Variants in PFKFB3 observed in about 807,000 individuals in gnomAD.
The protein encoded by PFKFB3 is 6-phosphofructo-2-kinase/fructose-2,6-biphosphatase 3, also known as 6-phosphofructo-2-kinase/fructose-2,6-bisphosphatase 3.
Under a neutral mutation model 68.0 loss-of-function variants are expected in PFKFB3, and 33 were observed. The ratio of observed to expected loss-of-function variants is 0.49; its 90% CI spans 0.37 to 0.65. The LOEUF is 0.65. Ranked by LOEUF, PFKFB3 falls within the 30% of genes least tolerant of loss-of-function variation. The probability of loss-of-function intolerance (pLI) is 0.00; values close to 1 mark genes in which losing one functional copy is unlikely to be tolerated. For missense variants in PFKFB3, 586 were observed against 712.2 expected (o/e 0.82, Z 2.02); for synonymous variants, 315 against 288.2 (o/e 1.09, Z -0.94).
At chr10:6,210,429 C>T (rs71485449) in intron 1 of PFKFB3, among the ~76,000 whole-genome samples, 30,035 of 96,522 alleles carry the variant, frequency 0.31, 9,421 homozygotes, top group Non-Finnish European at 0.41. Context: ...GGCGCTATCT[C>T]GGCTCACTGC....
chr10:6,290,257 G>A, the PFKFB3 span, among the ~76,000 whole-genome samples: 2 of 151,748 alleles, frequency 1.3e-5, no homozygotes, highest in Non-Finnish European at 2.9e-5. Context: ...TAGGAGTGGT[G>A]AGAGAGGGCA....
At chr10:6,157,278 G>C (rs1464910358) in intron 1 of PFKFB3, among the ~76,000 whole-genome samples, 3 of 150,048 alleles carry the variant, frequency 2.0e-5, no homozygotes, top group African/African-American at 7.3e-5. Flanking sequence ...CCAGGCTGGA[G>C]TGCAGTGGCG....
chr10:6,163,027 C>T (rs77531079), intron 1 of PFKFB3, among the ~76,000 whole-genome samples: 19,646 of 152,242 alleles, frequency 0.13, 1,553 homozygotes, highest in Non-Finnish European at 0.18. Context: ...TCTTCCTCTC[C>T]TTCCCCCGTC....
At chr10:6,168,148 C>A (rs1052303954) in intron 1 of PFKFB3, among the ~76,000 whole-genome samples, 1 of 152,184 alleles carries the variant, frequency 6.6e-6, no homozygotes, top group Non-Finnish European at 1.5e-5. Flanking sequence ...CCAGCATTTT[C>A]ATACAGAGGG....
chr10:6,263,006 C>T, the PFKFB3 span, among the ~76,000 whole-genome samples: 1 of 152,064 alleles, frequency 6.6e-6, no homozygotes, highest in Non-Finnish European at 1.5e-5. Context: ...CCCAGCAGCG[C>T]TAGAGGAATT....
At chr10:6,304,381 A>G in the PFKFB3 span, among the ~76,000 whole-genome samples, 7 of 151,504 alleles carry the variant, frequency 4.6e-5, no homozygotes, top group East Asian at 1.4e-3. Context: ...CACCCTAAGA[A>G]TCCATCTATC....
At chr10:6,240,168 G>C (rs1564230431), downstream of PFKFB3, among the ~76,000 whole-genome samples, 1 of 152,202 alleles carries the variant, frequency 6.6e-6, no homozygotes, top group Non-Finnish European at 1.5e-5. Flanking sequence ...CAGGACGTTT[G>C]CAAGTTAGCA....
In PFKFB3 at chr10:6,217,115, C is replaced by G; in HGVS notation, c.442-20C>G. ...CTTCGTGGTGTTTGTTTTCTAACATCCCCACCTCACTTCCACCAGGCGTTT... is the reference window on the plus strand; with the variant it reads ...CTTCGTGGTGTTTGTTTTCTAACATGCCCACCTCACTTCCACCAGGCGTTT... On this transcript the variant is annotated intron_variant, in intron 5 of 14. Transcript: ENST00000379775. 6.2e-7 allele frequency: 1 copy of G among 1,613,078 alleles called. No homozygotes were observed. The highest frequency in any genetic ancestry group is 1.3e-5 in the African/African-American group (1 of 75,024).
intron 10 of PFKFB3, chr10:6,222,652 C>T (rs943945710): frequency 1.3e-5 from 6 of 457,272 alleles, no homozygotes; most frequent in East Asian, 4.5e-5. Flanking sequence ...CAGGTTCCCC[C>T]GTGTGGGAGC....
In PFKFB3 at chr10:6,221,456, A is replaced by T. The variant is rs769974312; in HGVS notation, c.907A>T (p.Ser303Cys). The T allele has an allele frequency of 4.3e-6, 7 of 1,613,858 alleles. No individual in the cohort carries two copies. The highest frequency in any genetic ancestry group is 5.1e-6 in the Non-Finnish European group (6 of 1,180,002). The change falls in exon 9 of 15, where the codon AGC (serine) becomes TGC (cysteine). Residue 303 changes from serine (S) to cysteine (C), a missense_variant. Physicochemically the swap from Ser to Cys is moderately radical, Grantham distance 112. Transcript: ENST00000379775. Reference sequence around the variant, plus strand: ...GCGCGTGTGGACCAGCCAGCTGAAGAGCACCATCCAGACGGCCGAGGCGCT... The same window carrying T: ...GCGCGTGTGGACCAGCCAGCTGAAGTGCACCATCCAGACGGCCGAGGCGCT... ...DLRVWTSQLK[S>C]TIQTAEALRL...
intron 14 of PFKFB3, among the ~76,000 whole-genome samples, chr10:6,249,423 C>A (rs73617621): frequency 0.065 from 9,853 of 152,038 alleles, 569 homozygotes; most frequent in African/African-American, 0.16. Flanking sequence ...TTGACAATAG[C>A]CAAGTTATGG....
chr10:6,226,115 G>C, intron 13 of PFKFB3, 77 bp from the exon 14 acceptor site: 1 of 1,342,344 alleles, frequency 7.4e-7, no homozygotes, highest in Non-Finnish European at 1.0e-6. Context: ...CAGGAGCAGA[G>C]AAACTTTTTT....
chr10:6,307,365 A>T, the PFKFB3 span, among the ~76,000 whole-genome samples: 7 of 127,588 alleles, frequency 5.5e-5, no homozygotes, highest in African/African-American at 1.1e-4. Flanking sequence ...ACACACACAC[A>T]CACTCACCCT....
At chr10:6,265,503 T>C in the PFKFB3 span, among the ~76,000 whole-genome samples, 18 of 152,234 alleles carry the variant, frequency 1.2e-4, no homozygotes, top group Non-Finnish European at 2.2e-4. Flanking sequence ...TCCACTATTA[T>C]GTTTAGGCTA....
chr10:6,216,532 G>A (rs1844599695), intron 4 of PFKFB3, among the ~76,000 whole-genome samples, 174 bp from the exon 5 acceptor site: 1 of 152,182 alleles, frequency 6.6e-6, no homozygotes, highest in South Asian at 2.1e-4. Flanking sequence ...GTAGTTGCGG[G>A]AGGCCTGCCT....
rs1178099548 is a variant in PFKFB3 at position 6,228,608 on chromosome 10, C to T, written c.1515+2243C>T. On this transcript the variant is annotated intron_variant, in intron 14 of 14. Transcript: ENST00000379775. The surrounding 1 kb of genome is among the most constrained non-coding windows in gnomAD (Gnocchi z 4.5). ...GCCAGGTGCCATTAGCCTTAAAGCC[C>T]CCTCCTGCCCCAGGAGTGTCCTTTG... Among the ~76,000 whole-genome samples, 2 of 152,080 alleles carry T rather than the reference C, an allele frequency of 1.3e-5. No individual in the cohort carries two copies. Among genetic ancestry groups the T allele is most frequent in the Non-Finnish European group, 2.9e-5 (2 of 68,018 alleles).
At chr10:6,305,085 C>T in the PFKFB3 span, among the ~76,000 whole-genome samples, 1 of 129,710 alleles carries the variant, frequency 7.7e-6, no homozygotes, top group African/African-American at 2.9e-5. Flanking sequence ...TGGCCTTGAA[C>T]TCCTGAGCTC....
intron 13 of PFKFB3, 107 bp downstream of exon 13, chr10:6,224,320 G>T (rs1845175541): frequency 9.4e-7 from 1 of 1,064,384 alleles, no homozygotes; most frequent in African/African-American, 1.6e-5. Context: ...GTGCTGGCCT[G>T]TCTGGGGCCA....
At chr10:6,326,605 C>T in the PFKFB3 span, 6 of 451,222 alleles carry the variant, frequency 1.3e-5, no homozygotes, top group South Asian at 4.7e-5. Flanking sequence ...GTTGCCCCGA[C>T]GAGGAAGTGT....
Sources: gnomAD v4.1 joint callset for allele counts (sites outside exome capture counted in the v4.1 genomes callset) on GRCh38, gnomAD v4.1.1 for gene constraint, Gnocchi (gnomAD v3.1) non-coding constraint, MANE v1.5 for transcripts, NCBI Gene and HGNC (gene_info 2026-07-23, HGNC 2026-07-21) for gene names.